SPTBN4: variants seen among roughly 807,000 people sequenced by gnomAD.
The protein encoded by SPTBN4 is spectrin beta chain, non-erythrocytic 4.
Under a neutral mutation model 277.8 loss-of-function variants are expected in SPTBN4, and 96 were observed. The observed-to-expected ratio is 0.35, with a 90% CI of 0.29 to 0.41. The LOEUF (loss-of-function observed/expected upper bound fraction) is 0.41, where lower values mean the gene tolerates loss of function less well. Among genes scored for constraint, SPTBN4 ranks in the 10% least tolerant of loss-of-function variants. The probability of loss-of-function intolerance (pLI) is 1.00; values close to 1 mark genes in which losing one functional copy is unlikely to be tolerated. For missense variants in SPTBN4, 3,006 were observed against 3,595.7 expected (o/e 0.84, Z 4.19); for synonymous variants, 1,481 against 1,580.3 (o/e 0.94, Z 1.49).
chr19:40,557,132 C>T lies in SPTBN4; in HGVS notation c.5399C>T (p.Thr1800Ile), dbSNP rs779832414. The part of the protein sequence containing the change: ...MVDELIECGH[T>I]AAATMAEWKD... ...GATGAGCTGATCGAGTGTGGCCATA[C>T]AGCAGCGGCCACCATGGCCGAGTGG... is the stretch of plus-strand genomic sequence containing the variant. The change falls in exon 26 of 36, where the codon ACA becomes ATA. Residue 1800 changes from threonine to isoleucine, a missense_variant. Thr to Ile is a moderately conservative substitution (Grantham distance 89). This residue lies in a region of SPTBN4 where 425 missense variants were observed against 594.7 expected (regional missense o/e 0.71). Coordinates refer to ENST00000598249, the MANE Select transcript of SPTBN4 (RefSeq NM_020971.3). 6.2e-7 allele frequency: 1 copy of T among 1,611,156 alleles called. No individual in the cohort carries two copies. The highest frequency in any genetic ancestry group is 8.5e-7 in the Non-Finnish European group (1 of 1,177,810).
intron 19 of SPTBN4, among the ~76,000 whole-genome samples, chr19:40,533,294 T>C (rs139369557): frequency 5.9e-4 from 90 of 152,290 alleles, no homozygotes; most frequent in Admixed American, 5.1e-3. Context: ...CTGGGCTCTG[T>C]GCACATAAAG....
rs2081084385 is a variant in SPTBN4, at chr19:40,565,649, T to G, written c.6055-12T>G. 2 of 1,556,912 alleles carry G rather than the reference T, an allele frequency of 1.3e-6. No homozygotes were observed. The highest frequency in any genetic ancestry group is 1.7e-6 in the Non-Finnish European group (2 of 1,149,696). ...CACCCTGACTTCCCTCCCACCCACC[T>G]GCCACTCCCAGATCCAGGCACAGCT... On this transcript the variant is annotated splice_polypyrimidine_tract_variant and intron_variant, in intron 28 of 35. Transcript: ENST00000598249.
chr19:40,515,222 T>G lies in SPTBN4; in HGVS notation c.2766-89T>G. 1.8e-4 allele frequency: 254 copies of G among 1,422,200 alleles called. No individual in the cohort carries two copies. Among genetic ancestry groups the G allele is most frequent in the Non-Finnish European group, 2.1e-4 (224 of 1,074,802 alleles). 88.1% of individuals were successfully genotyped at this position (1,422,200 alleles called of 1,614,324 possible). On this transcript the variant is annotated intron_variant, in intron 14 of 35. Coordinates refer to ENST00000598249, the MANE Select transcript of SPTBN4 (RefSeq NM_020971.3). This position sits in a 1 kb window ranked among gnomAD's most constrained non-coding sequence, Gnocchi z 4.1. ...AAGGAGGCTGAAAAGAAGGGTGGATTGAGAATTAGGAGTAGAACCAGTAGA... is the reference window on the plus strand; with the variant it reads ...AAGGAGGCTGAAAAGAAGGGTGGATGGAGAATTAGGAGTAGAACCAGTAGA...
Position 40,567,676 on chromosome 19 carries a change from A to G in SPTBN4, c.6350A>G (p.Lys2117Arg). ...CTCCATCCTCAGATCGAGAAAATCAAAGCGGAACAGAGCAAGCAGCCGCCT... is the reference window on the plus strand; with the variant it reads ...CTCCATCCTCAGATCGAGAAAATCAGAGCGGAACAGAGCAAGCAGCCGCCT... ...LRRLTTIEKI[K>R]AEQSKQPPTP... The change falls in exon 31 of 36, where the codon AAA (lysine) becomes AGA (arginine). Residue 2117 changes from lysine (K) to arginine (R), a missense_variant. Lys to Arg is a conservative substitution (Grantham distance 26, BLOSUM62 2). Around this residue, in one of 5 missense-constraint regions of SPTBN4, gnomAD observed 630 missense variants for 677.6 expected, o/e 0.93. Transcript: ENST00000598249. 6.5e-7 allele frequency: 1 copy of G among 1,534,474 alleles called. No individual in the cohort carries two copies.
At chr19:40,477,516 C>T (rs1335279434) in intron 2 of SPTBN4, among the ~76,000 whole-genome samples, 2 of 152,006 alleles carry the variant, frequency 1.3e-5, no homozygotes, top group African/African-American at 4.8e-5. Flanking sequence ...GGGTCAGAGA[C>T]AGGGTAGGGG....
chr19:40,496,907 T>C (rs1029826419), intron 6 of SPTBN4, among the ~76,000 whole-genome samples: 5 of 151,696 alleles, frequency 3.3e-5, no homozygotes, highest in African/African-American at 1.2e-4. Flanking sequence ...ACCCCGTCTC[T>C]ACTAAAAATA....
chr19:40,525,293 C>T (rs958017489), intron 17 of SPTBN4, among the ~76,000 whole-genome samples: 1 of 151,532 alleles, frequency 6.6e-6, no homozygotes, highest in African/African-American at 2.4e-5. Flanking sequence ...CCTTTTCCAT[C>T]CAGGCCTGGA....
In SPTBN4 at chr19:40,490,280, C is replaced by A; in HGVS notation, c.495+32C>A. 6.3e-7 allele frequency: 1 copy of A among 1,597,986 alleles called. No homozygotes were observed. The highest frequency in any genetic ancestry group is 8.5e-7 in the Non-Finnish European group (1 of 1,170,834). On this transcript the variant is annotated intron_variant, in intron 4 of 35. Coordinates refer to ENST00000598249, the MANE Select transcript of SPTBN4 (RefSeq NM_020971.3). This position sits in a 1 kb window ranked among gnomAD's most constrained non-coding sequence, Gnocchi z 4.3. ...CTCGAGTGGCCCCTGCCAAGCCCCG[C>A]AACATGGGACTTAGGAAAGCGTTCC... is the stretch of plus-strand genomic sequence containing the variant.
intron 27 of SPTBN4, among the ~76,000 whole-genome samples, chr19:40,564,928 T>C (rs1599817288): frequency 6.6e-6 from 1 of 151,976 alleles, no homozygotes; most frequent in Non-Finnish European, 1.5e-5. Flanking sequence ...ATTTGAATCA[T>C]TGAATTAGTG....
rs2080120247 is a variant in SPTBN4 at position 40,490,086 on chromosome 19, G to T, written c.333G>T (p.Thr111=). The change falls in exon 4 of 36, where the codon ACG becomes ACT. Residue 111 remains threonine (T), a synonymous_variant. Coordinates refer to ENST00000598249, the MANE Select transcript of SPTBN4 (RefSeq NM_020971.3). The surrounding 1 kb of genome is among the most constrained non-coding windows in gnomAD (Gnocchi z 4.3). ...CCCTGTCGCCCTAGCCCAGGCCCAC[G>T]CGCGGCCGCATGCGGATCCACTCAC... The part of the protein sequence containing the change: ...VLSGEQLPRP[T]RGRMRIHSLE... 6.2e-7 allele frequency: 1 copy of T among 1,610,256 alleles called. No homozygotes were observed. Among genetic ancestry groups the T allele is most frequent in the Admixed American group, 1.7e-5 (1 of 59,718 alleles).
In SPTBN4 at chr19:40,505,246, C is replaced by T. The variant is rs560927378; in HGVS notation, c.1666-990C>T. On this transcript the variant is annotated intron_variant, in intron 12 of 35. Transcript: ENST00000598249. ...CAAAAAAAAAAAAAAAAAAAATTAG[C>T]TAGGCGTGGTGGTGTGCGCTTGTAG... is the stretch of plus-strand genomic sequence containing the variant. Among the ~76,000 whole-genome samples the T allele has an allele frequency of 2.0e-5, 3 of 147,616 alleles. No homozygotes were observed. The Admixed American group carries it at 2.0e-4, about 10-fold the overall frequency.
intron 5 of SPTBN4, among the ~76,000 whole-genome samples, chr19:40,494,366 C>T (rs1187118475): frequency 6.6e-6 from 1 of 151,166 alleles, no homozygotes; most frequent in African/African-American, 2.4e-5. Context: ...CCTCTCCTTT[C>T]CCTCCCCATC....
Position 40,569,693 on chromosome 19 carries a change from G to A in SPTBN4, c.6993G>A (p.Gln2331=), listed in dbSNP as rs1568381780. ...ATLADIVEQL[Q]EKEAGPGLPA... Reference sequence around the variant, plus strand: ...TGGCTGACATTGTGGAACAGCTGCAGGAGAAAGAGGCAGGCCCAGGGCTGC... The same window carrying A: ...TGGCTGACATTGTGGAACAGCTGCAAGAGAAAGAGGCAGGCCCAGGGCTGC... Residue 2331 remains glutamine, a synonymous_variant, in exon 32 of 36, where the codon CAG becomes CAA. Coordinates refer to ENST00000598249, the MANE Select transcript of SPTBN4 (RefSeq NM_020971.3). The A allele has an allele frequency of 6.2e-7, 1 of 1,612,986 alleles. No homozygotes were observed. Among genetic ancestry groups the A allele is most frequent in the East Asian group, 2.2e-5 (1 of 44,734 alleles).
chr19:40,572,271 A>G, intron 34 of SPTBN4, 67 bp from the exon 35 acceptor site: 5 of 1,606,642 alleles, frequency 3.1e-6, no homozygotes, highest in Non-Finnish European at 4.3e-6. Context: ...TCCCTGGGGG[A>G]CACTTGGTGG....
chr19:40,478,767 C>G (rs1388077250), intron 2 of SPTBN4, among the ~76,000 whole-genome samples: 1 of 152,052 alleles, frequency 6.6e-6, no homozygotes, highest in Admixed American at 6.6e-5. Context: ...GGCTGGTCTT[C>G]AACTCCTGAC....
Position 40,538,390 on chromosome 19 carries a change from CAAAA to C in SPTBN4, c.4359+4059_4359+4062del, listed in dbSNP as rs1233852253. Among the ~76,000 whole-genome samples the C allele has an allele frequency of 1.7e-3, 179 of 105,132 alleles. 1 individual carries two copies. The highest frequency in any genetic ancestry group is 6.2e-3 in the African/African-American group (176 of 28,596). The allele number at this position is 105,132 out of a possible 152,430, so 69.0% of individuals were successfully genotyped here. On this transcript the variant is annotated intron_variant, in intron 20 of 35. Transcript: ENST00000598249. ...TGGGTGACAGAGTGAGACTCTGTCT[CAAAA>C]AAAAAAAAAAAGAGAAAGAAAGAAA...
chr19:40,568,949 G>A (rs71358920), intron 31 of SPTBN4, among the ~76,000 whole-genome samples: 8 of 152,108 alleles, frequency 5.3e-5, no homozygotes, highest in Non-Finnish European at 7.3e-5. Flanking sequence ...GTGCTGAGTC[G>A]AGCGGTGACT....
At chr19:40,473,021 A>G (rs1277180357) in intron 2 of SPTBN4, among the ~76,000 whole-genome samples, 3 of 152,114 alleles carry the variant, frequency 2.0e-5, no homozygotes, top group African/African-American at 7.2e-5. Context: ...TGAGTTTTAA[A>G]TTTTATTTAG....
intron 18 of SPTBN4, among the ~76,000 whole-genome samples, 180 bp downstream of exon 18, chr19:40,529,311 C>T (rs777302778): frequency 2.1e-4 from 32 of 152,220 alleles, no homozygotes; most frequent in Non-Finnish European, 3.8e-4. Context: ...AAGTCCCTGC[C>T]CGCCCACGCC....
Sources: gnomAD v4.1 joint callset for allele counts (sites outside exome capture counted in the v4.1 genomes callset) on GRCh38, gnomAD v4.1.1 for gene constraint, gnomAD v4.1.1 regional missense constraint, Gnocchi (gnomAD v3.1) non-coding constraint, MANE v1.5 for transcripts, NCBI Gene and HGNC (gene_info 2026-07-23, HGNC 2026-07-21) for gene names.